Variants in IQSEC1 observed in about 807,000 individuals in gnomAD.
The protein encoded by IQSEC1 is IQ motif and SEC7 domain-containing protein 1.
In IQSEC1, 31 loss-of-function variants were observed where a neutral mutation model predicts 91.0. That is an observed-to-expected ratio of 0.34 (90% CI 0.26 to 0.46). The LOEUF is 0.46. Ranked by LOEUF, IQSEC1 falls within the 20% of genes least tolerant of loss-of-function variation. The pLI, the probability that IQSEC1 is intolerant of heterozygous loss-of-function variation, is 1.00. For missense variants in IQSEC1, 1,388 were observed against 1,575.6 expected (o/e 0.88, Z 2.02); for synonymous variants, 699 against 662.6 (o/e 1.05, Z -0.84).
intron 1 of IQSEC1, among the ~76,000 whole-genome samples, chr3:13,174,604 C>T (rs550859490): frequency 1.3e-5 from 2 of 152,184 alleles, no homozygotes; most frequent in African/African-American, 4.8e-5. Flanking sequence ...AGAATCAGCC[C>T]TTTCCCAACC....
intron 4 of IQSEC1, among the ~76,000 whole-genome samples, chr3:12,923,256 C>T (rs1417045906): frequency 2.0e-5 from 3 of 152,166 alleles, no homozygotes; most frequent in Non-Finnish European, 4.4e-5. Flanking sequence ...GTGCGGATTT[C>T]CTAAGGACCA....
chr3:12,944,889 G>C (rs1242330213), intron 1 of IQSEC1, among the ~76,000 whole-genome samples: 2 of 152,168 alleles, frequency 1.3e-5, no homozygotes, highest in South Asian at 2.1e-4. Flanking sequence ...TGCTGCCCCC[G>C]ACCCAGGATG....
At chr3:13,132,019 C>G (rs1331444415) in intron 2 of IQSEC1, among the ~76,000 whole-genome samples, 2 of 152,116 alleles carry the variant, frequency 1.3e-5, no homozygotes, top group Admixed American at 1.3e-4. Context: ...CAATTTTTCT[C>G]TTTATGTGGG....
At position 12,901,188 on chromosome 3, in the gene IQSEC1, T is replaced by G. The variant is rs1416470161; in HGVS notation, c.3140A>C (p.His1047Pro). 4 of 1,495,866 alleles carry G rather than the reference T, an allele frequency of 2.7e-6. No homozygotes were observed. In the African/African-American group the frequency reaches 4.2e-5, roughly 16 times the overall value. 92.7% of individuals were successfully genotyped at this position (1,495,866 alleles called of 1,614,324 possible). The change falls in exon 14 of 14, where the codon CAC becomes CCC. Residue 1047 changes from histidine (H) to proline (P), a missense_variant. Physicochemically the swap from His to Pro is moderately conservative, Grantham distance 77. Transcript: ENST00000613206. The part of the protein sequence containing the change: ...PPPYHHHHHH[H>P]PPQHIQHAHQ... ...TGCGTGCTGGATGTGCTGGGGTGGG[T>G]GGTGGTGGTGGTGATGGTGGTACGG...
At chr3:13,061,431 A>T (rs1238710993) in intron 1 of IQSEC1, among the ~76,000 whole-genome samples, 1 of 152,200 alleles carries the variant, frequency 6.6e-6, no homozygotes, top group African/African-American at 2.4e-5. Context: ...GGTAAGAATA[A>T]GTGTTCGTTT....
chr3:13,195,925 G>A lies in IQSEC1; in HGVS notation c.273-31792C>T, dbSNP rs184660739. On this transcript the variant is annotated intron_variant, in intron 1 of 15. Transcript: ENST00000648114. ...GTGGTTTTGTAAAATGTTACCATTG[G>A]AGGAAACTGGGTGGAGGGGACGTGG... 1.4e-3 allele frequency among the ~76,000 whole-genome samples: 206 copies of A among 152,326 alleles called. 3 individuals are homozygous for A. The highest frequency in any genetic ancestry group is 0.013 in the Admixed American group (196 of 15,298).
At chr3:13,230,326 TG>T (rs879295181) in intron 1 of IQSEC1, among the ~76,000 whole-genome samples, 18 of 152,200 alleles carry the variant, frequency 1.2e-4, no homozygotes, top group Middle Eastern at 3.2e-3. Flanking sequence ...CTCACAAAAT[TG>T]ACCTTGTTCG....
intron 2 of IQSEC1, among the ~76,000 whole-genome samples, chr3:13,080,621 C>A (rs1559250987): frequency 6.6e-6 from 1 of 152,036 alleles, no homozygotes; most frequent in Non-Finnish European, 1.5e-5. Context: ...AAGGGAACAG[C>A]AAAAGCCGCT....
intron 1 of IQSEC1, among the ~76,000 whole-genome samples, chr3:13,032,120 CT>C (rs1703864594): frequency 6.6e-6 from 1 of 152,198 alleles, no homozygotes; most frequent in Admixed American, 6.5e-5. Context: ...CACTTTCCCC[CT>C]GTAATTGTTT....
chr3:13,005,336 T>C (rs1702590885), intron 1 of IQSEC1, among the ~76,000 whole-genome samples: 1 of 152,090 alleles, frequency 6.6e-6, no homozygotes, highest in Non-Finnish European at 1.5e-5. Flanking sequence ...AGCCCAGGGC[T>C]CCCTGCTCTG....
chr3:12,931,983 G>A (rs142099133), intron 3 of IQSEC1, among the ~76,000 whole-genome samples: 162 of 152,370 alleles, frequency 1.1e-3, no homozygotes, highest in Middle Eastern at 3.4e-3. Context: ...TTTTGAGGGT[G>A]CCCGTGTCAT....
At chr3:13,156,413 T>G (rs1197323440) in intron 2 of IQSEC1, among the ~76,000 whole-genome samples, 1 of 152,178 alleles carries the variant, frequency 6.6e-6, no homozygotes, top group Non-Finnish European at 1.5e-5. Context: ...GGATGTCATT[T>G]TTGTCATTTG....
At chr3:13,070,993 C>T (rs1380527478) in intron 1 of IQSEC1, among the ~76,000 whole-genome samples, 1 of 152,166 alleles carries the variant, frequency 6.6e-6, no homozygotes, top group Non-Finnish European at 1.5e-5. Flanking sequence ...ATTGGATAGG[C>T]TTGGGCAACG....
At chr3:12,915,970 C>T (rs950137609) in intron 6 of IQSEC1, among the ~76,000 whole-genome samples, 4 of 152,194 alleles carry the variant, frequency 2.6e-5, no homozygotes, top group Non-Finnish European at 5.9e-5. Flanking sequence ...AGGGGCTGAG[C>T]CACCTCTAAG....
At chr3:12,913,792 C>CGAGGGACG (rs1163442669) in intron 8 of IQSEC1, among the ~76,000 whole-genome samples, 2 of 152,230 alleles carry the variant, frequency 1.3e-5, no homozygotes. Context: ...TCCTGAAGGA[C>CGAGGGACG]TAGGGACGTG....
In IQSEC1 at chr3:12,899,204, C is replaced by G; in HGVS notation, c.*1779G>C. 1 of 639,200 alleles carries G rather than the reference C, an allele frequency of 1.6e-6. No homozygotes were observed. Among genetic ancestry groups the G allele is most frequent in the Admixed American group, 3.0e-5 (1 of 33,466 alleles). The allele number at this position is 639,200 out of a possible 1,614,324, so 39.6% of individuals were successfully genotyped here. On this transcript the variant is annotated 3_prime_UTR_variant, in exon 14 of 14. Transcript: ENST00000613206. Reference sequence around the variant, plus strand: ...GGGAAATCGGCAAAACCCTGGCCAGCCAGCCAGCCAAGGTGACACACAGCC... The same window carrying G: ...GGGAAATCGGCAAAACCCTGGCCAGGCAGCCAGCCAAGGTGACACACAGCC...
chr3:13,085,434 G>GC lies in IQSEC1; in HGVS notation c.303-37913dup, dbSNP rs376208990. 9.2e-4 allele frequency among the ~76,000 whole-genome samples: 140 copies of GC among 152,254 alleles called. 1 individual carries two copies. The highest frequency in any genetic ancestry group is 3.4e-3 in the Middle Eastern group (1 of 294). ...TCATGGCAGACAGGAACCCTTCAGT[G>GC]CGTAGGGTCACCTTCAATACTCGTT... On this transcript the variant is annotated intron_variant, in intron 2 of 15. Transcript: ENST00000648114.
At chr3:13,111,635 G>A (rs559069861) in intron 2 of IQSEC1, among the ~76,000 whole-genome samples, 1 of 152,164 alleles carries the variant, frequency 6.6e-6, no homozygotes, top group Admixed American at 6.5e-5. Context: ...TTGGGGGTGG[G>A]GCCTTTGGGA....
intron 1 of IQSEC1, among the ~76,000 whole-genome samples, chr3:13,043,744 G>A (rs1023881183): frequency 3.3e-5 from 5 of 152,248 alleles, no homozygotes; most frequent in African/African-American, 1.2e-4. Context: ...TTTGTGGAAG[G>A]AAGGAAGGAT....
Sources: gnomAD v4.1 joint callset for allele counts (sites outside exome capture counted in the v4.1 genomes callset) on GRCh38, gnomAD v4.1.1 for gene constraint, MANE v1.5 for transcripts, NCBI Gene and HGNC (gene_info 2026-07-23, HGNC 2026-07-21) for gene names.